PAM: variants seen among roughly 807,000 people sequenced by gnomAD.
The protein encoded by PAM is peptidyl-glycine alpha-amidating monooxygenase.
In PAM, 72 loss-of-function variants were observed where a neutral mutation model predicts 122.1. The observed-to-expected ratio is 0.59, with a 90% CI of 0.49 to 0.72. The LOEUF (loss-of-function observed/expected upper bound fraction) is 0.72. PAM is among the 30% of genes least tolerant of loss of function. PAM has a pLI of 0.00. For synonymous variants in PAM, 389 were observed against 404.4 expected (o/e 0.96, Z 0.46); for missense variants, 1,106 against 1,183.7 (o/e 0.93, Z 0.96).
At chr5:102,779,006 C>T (rs1001666014) in intron 1 of PAM, among the ~76,000 whole-genome samples, 1 of 152,060 alleles carries the variant, frequency 6.6e-6, no homozygotes, top group African/African-American at 2.4e-5. Flanking sequence ...CGTCAGAAAA[C>T]CTGATGGGCT....
intron 1 of PAM, among the ~76,000 whole-genome samples, chr5:102,852,947 A>G (rs1170339436): frequency 6.6e-6 from 1 of 152,248 alleles, no homozygotes; most frequent in South Asian, 2.1e-4. Context: ...ATAAGCAAGT[A>G]TTACTAAGAA....
At position 102,798,648 on chromosome 5, in the gene PAM, A is replaced by G. The variant is rs1763950557; in HGVS notation, c.-374+43300A>G. ...GGTTCATGAATAAAACTAACCACTG[A>G]TAGGTATAGTGTATTATTGCTCTTG... On this transcript the variant is annotated intron_variant, in intron 1 of 25. Transcript: ENST00000438793. 4.6e-5 allele frequency among the ~76,000 whole-genome samples: 7 copies of G among 152,240 alleles called. 1 individual carries two copies. The South Asian group carries it at 1.5e-3, about 32-fold the overall frequency.
chr5:102,999,074 T>C (rs1185077252), intron 16 of PAM, among the ~76,000 whole-genome samples: 1 of 152,158 alleles, frequency 6.6e-6, no homozygotes. Context: ...AAAAGCCCTT[T>C]ATAAAACCAC....
intron 1 of PAM, among the ~76,000 whole-genome samples, chr5:102,862,086 C>T (rs1784338506): frequency 6.7e-6 from 1 of 150,358 alleles, no homozygotes; most frequent in Non-Finnish European, 1.5e-5. Context: ...AGGAGGACTG[C>T]TTGAGTCTGG....
chr5:102,802,167 G>T (rs552823313), intron 1 of PAM, among the ~76,000 whole-genome samples: 59 of 152,268 alleles, frequency 3.9e-4, no homozygotes, highest in African/African-American at 1.4e-3. Flanking sequence ...AAGTATATTA[G>T]AACTTAATCC....
intron 1 of PAM, among the ~76,000 whole-genome samples, chr5:102,860,881 G>T (rs1398050748): frequency 6.6e-6 from 1 of 152,102 alleles, no homozygotes; most frequent in Non-Finnish European, 1.5e-5. Flanking sequence ...CTTCCAAGCA[G>T]ATGGTCCTCC....
intron 5 of PAM, among the ~76,000 whole-genome samples, chr5:102,923,481 G>T (rs1561899539): frequency 6.6e-6 from 1 of 152,100 alleles, no homozygotes; most frequent in African/African-American, 2.4e-5. Context: ...TTTCAGATCT[G>T]CCTACACACC....
chr5:103,005,646 G>T (rs1247352378), intron 18 of PAM, among the ~76,000 whole-genome samples: 1 of 152,044 alleles, frequency 6.6e-6, no homozygotes, highest in Non-Finnish European at 1.5e-5. Context: ...ACCTCCCAAA[G>T]GCCCTGCTTC....
Position 103,006,914 on chromosome 5 carries a change from T to C in PAM, c.1917T>C (p.Asp639=). The change falls in exon 19 of 26, where the codon GAT becomes GAC. Residue 639 remains aspartate, a synonymous_variant. Coordinates refer to ENST00000438793, the MANE Select transcript of PAM (RefSeq NM_001177306.2). ...HFCQPTDVAV[D]PGTGAIYVSD... ...GTCAACCCACTGATGTGGCTGTGGATCCAGGCACTGGAGCCATTTATGTAT... is the reference window on the plus strand; with the variant it reads ...GTCAACCCACTGATGTGGCTGTGGACCCAGGCACTGGAGCCATTTATGTAT... 1 of 1,613,918 alleles carries C rather than the reference T, an allele frequency of 6.2e-7. No homozygotes were observed. The highest frequency in any genetic ancestry group is 1.3e-5 in the African/African-American group (1 of 75,030).
chr5:103,017,499 C>A, intron 22 of PAM, 66 bp downstream of exon 22: 1 of 946,510 alleles, frequency 1.1e-6, no homozygotes, highest in Non-Finnish European at 1.7e-6. Context: ...GCATATGAAA[C>A]AAAAACATTT....
chr5:102,856,950 CCAA>C (rs371436590), intron 1 of PAM, among the ~76,000 whole-genome samples: 1,807 of 152,034 alleles, frequency 0.012, 50 homozygotes, highest in African/African-American at 0.042. Context: ...AAAAAACAAA[CCAA>C]CAACAACAAC....
intron 1 of PAM, among the ~76,000 whole-genome samples, chr5:102,798,369 A>G (rs1763887123): frequency 6.6e-6 from 1 of 152,368 alleles, no homozygotes; most frequent in South Asian, 2.1e-4. Flanking sequence ...CATTTAAAGC[A>G]TAATTTCTGA....
At chr5:102,996,290 C>T (rs1335863096) in intron 16 of PAM, among the ~76,000 whole-genome samples, 3 of 152,146 alleles carry the variant, frequency 2.0e-5, no homozygotes, top group Non-Finnish European at 4.4e-5. Flanking sequence ...GCTCCAGGCA[C>T]TGTGTGAAAT....
intron 1 of PAM, among the ~76,000 whole-genome samples, chr5:102,758,041 CAAAA>C (rs3072349): frequency 0.62 from 58,334 of 94,394 alleles, 15,108 homozygotes; most frequent in East Asian, 0.67. Flanking sequence ...GGCCCTGTCT[CAAAA>C]AAAAAAAAAA....
chr5:102,964,731 A>G (rs950319178), intron 14 of PAM, among the ~76,000 whole-genome samples: 5 of 142,244 alleles, frequency 3.5e-5, no homozygotes, highest in African/African-American at 1.3e-4. Flanking sequence ...TACATATTCA[A>G]TATATGCATA....
At chr5:102,905,402 T>C (rs1264787776) in intron 4 of PAM, among the ~76,000 whole-genome samples, 1 of 151,732 alleles carries the variant, frequency 6.6e-6, no homozygotes, top group Non-Finnish European at 1.5e-5. Flanking sequence ...ACAGATGAAA[T>C]TAATCTAATG....
chr5:102,892,175 GA>G (rs1794957455), intron 3 of PAM, among the ~76,000 whole-genome samples: 1 of 151,790 alleles, frequency 6.6e-6, no homozygotes, highest in Admixed American at 6.6e-5. Context: ...CTAGCCTTTG[GA>G]AATTGCATTG....
intron 7 of PAM, among the ~76,000 whole-genome samples, chr5:102,933,591 C>T (rs188878571): frequency 2.0e-5 from 3 of 152,278 alleles, no homozygotes; most frequent in African/African-American, 7.2e-5. Context: ...CCTACCTAAC[C>T]ACAACTGAAA....
intron 1 of PAM, among the ~76,000 whole-genome samples, chr5:102,772,287 A>T (rs548596023): frequency 6.6e-6 from 1 of 152,264 alleles, no homozygotes; most frequent in African/African-American, 2.4e-5. Flanking sequence ...TGTTTTCTAT[A>T]ACCCTGCAGT....
Sources: allele counts gnomAD v4.1 joint callset (sites outside exome capture counted in the v4.1 genomes callset), GRCh38; gene constraint gnomAD v4.1.1; transcripts MANE v1.5; gene names NCBI Gene and HGNC (gene_info 2026-07-23, HGNC 2026-07-21).